DDHD1: variants seen among roughly 807,000 people sequenced by gnomAD.
The protein encoded by DDHD1 is DDHD domain containing 1, also known as phospholipase DDHD1.
DDHD1 carries 49 observed loss-of-function variants against 96.4 expected under a neutral mutation model. That is an observed-to-expected ratio of 0.51 (90% confidence interval 0.40 to 0.64). The LOEUF (loss-of-function observed/expected upper bound fraction) is 0.64. Ranked by LOEUF, DDHD1 falls within the 30% of genes least tolerant of loss-of-function variation. DDHD1 has a pLI of 0.00. For missense variants in DDHD1, 1,106 were observed against 1,161.2 expected (o/e 0.95, Z 0.69); for synonymous variants, 442 against 446.5 (o/e 0.99, Z 0.13).
In DDHD1 at chr14:53,152,775, G is replaced by GCCGCCGCCC. The variant is rs761487785; in HGVS notation, c.323_324insGGGCGGCGG (p.Ser108delinsArgGlyGlyGly). 15 of 1,604,136 alleles carry GCCGCCGCCC rather than the reference G, an allele frequency of 9.4e-6. No individual in the cohort carries two copies. In the African/African-American group the frequency reaches 2.0e-4, roughly 22 times the overall value. The stretch of plus-strand genomic sequence containing the variant: ...GCGACAAGGAGCTGCCGCCGCCGCC[G>GCCGCCGCCC]CTCTCACCCTCGCTGTAGTAGCGCA... On this transcript the variant is annotated protein_altering_variant, in exon 1 of 13. Coordinates refer to ENST00000673822, the MANE Select transcript of DDHD1 (RefSeq NM_001160148.2).
At chr14:53,081,453 CAA>C (rs1885463008) in intron 4 of DDHD1, among the ~76,000 whole-genome samples, 1 of 152,176 alleles carries the variant, frequency 6.6e-6, no homozygotes, top group South Asian at 2.1e-4. Context: ...AATTTGCACA[CAA>C]AAGAGTTCAT....
At position 53,097,787 on chromosome 14, in the gene DDHD1, G is replaced by A. The variant is rs138377289; in HGVS notation, c.1013-4343C>T. Among the ~76,000 whole-genome samples the A allele has an allele frequency of 5.4e-3, 823 of 151,986 alleles. 8 individuals are homozygous for A. The highest frequency in any genetic ancestry group is 0.019 in the African/African-American group (777 of 41,516). ...GGAAAGCTAGCCAAGATACACAAAT[G>A]AAGGCTTTCTTTTCTAAAAGAATAG... On this transcript the variant is annotated intron_variant, in intron 2 of 12. Transcript: ENST00000673822.
Position 53,118,999 on chromosome 14 carries a change from G to A in DDHD1, c.839-15143C>T, listed in dbSNP as rs939814585. ...ACTCTACAAGCCAGAAGAGAGTGGG[G>A]GCCAATATTCAACATTCTTAAAGAA... On this transcript the variant is annotated intron_variant, in intron 1 of 12. Transcript: ENST00000673822. 7.2e-5 allele frequency among the ~76,000 whole-genome samples: 11 copies of A among 152,210 alleles called. No individual in the cohort carries two copies. In the South Asian group the frequency reaches 8.3e-4, roughly 11 times the overall value.
chr14:53,087,117 A>C (rs1245406369), intron 4 of DDHD1, among the ~76,000 whole-genome samples: 1 of 152,196 alleles, frequency 6.6e-6, no homozygotes, highest in African/African-American at 2.4e-5. Flanking sequence ...TAACTATCCT[A>C]AATATATATG....
intron 1 of DDHD1, among the ~76,000 whole-genome samples, chr14:53,144,571 C>T (rs1030698805): frequency 6.6e-6 from 1 of 152,176 alleles, no homozygotes; most frequent in Non-Finnish European, 1.5e-5. Flanking sequence ...AAAAAATAAA[C>T]AAACTTGGGT....
rs1881377431 is a variant in DDHD1 at position 53,037,887 on chromosome 14, CTTGAG to C, written c.*8876_*8880del. ...TCTTACATTTAAATCTTTAATCCAT[CTTGAG>C]TTAATTTTCATATACGGTGAAAGGT... On this transcript the variant is annotated 3_prime_UTR_variant, in exon 13 of 13. Coordinates refer to ENST00000673822, the MANE Select transcript of DDHD1 (RefSeq NM_001160148.2). 1 of 152,086 alleles carries C rather than the reference CTTGAG, an allele frequency of 6.6e-6. No homozygotes were observed. The highest frequency in any genetic ancestry group is 6.6e-5 in the Admixed American group (1 of 15,254). The allele number at this position is 152,086 out of a possible 1,614,324, so 9.4% of individuals were successfully genotyped here.
intron 4 of DDHD1, among the ~76,000 whole-genome samples, chr14:53,078,596 T>C (rs923146065): frequency 6.6e-6 from 1 of 152,208 alleles, no homozygotes; most frequent in Non-Finnish European, 1.5e-5. Context: ...TTTTCTTCAC[T>C]GTCCTTTGAA....
At chr14:53,135,913 C>G (rs967974129) in intron 1 of DDHD1, among the ~76,000 whole-genome samples, 8 of 152,194 alleles carry the variant, frequency 5.3e-5, no homozygotes, top group African/African-American at 1.9e-4. Flanking sequence ...GGCCTCTGAG[C>G]CCAAGCTAAG....
intron 6 of DDHD1, 67 bp downstream of exon 6, chr14:53,072,530 A>G: frequency 1.2e-6 from 1 of 862,310 alleles, no homozygotes; most frequent in African/African-American, 1.7e-5. Context: ...CATAAAATGT[A>G]AAAATTCAGG....
At chr14:53,123,816 G>A (rs973652290) in intron 1 of DDHD1, among the ~76,000 whole-genome samples, 6 of 152,280 alleles carry the variant, frequency 3.9e-5, no homozygotes, top group Admixed American at 2.6e-4. Context: ...TATCTGTAAA[G>A]TTTAATTTCT....
chr14:53,101,655 C>T lies in DDHD1; in HGVS notation c.1012+2028G>A, dbSNP rs565129873. 6.6e-5 allele frequency among the ~76,000 whole-genome samples: 10 copies of T among 152,132 alleles called. No homozygotes were observed. The East Asian group carries it at 1.9e-3, about 29-fold the overall frequency. ...CTACCCTAGAACTGATATATACACT[C>T]ACACATACACATACGCAAAGACATT... On this transcript the variant is annotated intron_variant, in intron 2 of 12. Transcript: ENST00000673822.
intron 11 of DDHD1, 97 bp from the exon 12 acceptor site, chr14:53,052,024 A>C (rs1347432646): frequency 1.2e-6 from 1 of 822,280 alleles, no homozygotes. Flanking sequence ...AATACTCCCA[A>C]ATAAACTGAC....
At chr14:53,063,230 C>A in intron 6 of DDHD1, 25 bp from the exon 7 acceptor site, 1 of 1,604,904 alleles carries the variant, frequency 6.2e-7, no homozygotes, top group South Asian at 1.1e-5. Flanking sequence ...AAAACATTAT[C>A]ATATTAGACT....
At chr14:53,063,496 A>C (rs999988308) in intron 6 of DDHD1, among the ~76,000 whole-genome samples, 13 of 151,998 alleles carry the variant, frequency 8.6e-5, no homozygotes, top group Admixed American at 6.6e-4. Context: ...AAAAAAAAAA[A>C]ACCAAAGTTC....
Position 53,046,796 on chromosome 14 carries a change from T to C in DDHD1, c.2675A>G (p.Asp892Gly). Residue 892 changes from aspartate (D) to glycine (G), a missense_variant, in exon 13 of 13, where the codon GAT becomes GGT. Around this residue, in one of 2 missense-constraint regions of DDHD1, gnomAD observed 650 missense variants for 758.8 expected, o/e 0.86. Transcript: ENST00000673822. The part of the protein sequence containing the change: ...TFMYKHEHDD[D>G]AKPNLDPI ...GATTGGATCTAAATTGGGTTTTGCA[T>C]CATCATCGTGCTCATGTTTATACAT... The C allele has an allele frequency of 6.2e-7, 1 of 1,608,172 alleles. No individual in the cohort carries two copies. The highest frequency in any genetic ancestry group is 8.5e-7 in the Non-Finnish European group (1 of 1,177,548).
chr14:53,113,632 G>A (rs73294070), intron 1 of DDHD1, among the ~76,000 whole-genome samples: 4,702 of 152,158 alleles, frequency 0.031, 242 homozygotes, highest in African/African-American at 0.1. Flanking sequence ...CCTGGGAAGC[G>A]CAAGGAGCCA....
At chr14:53,124,507 C>T (rs1889285432) in intron 1 of DDHD1, among the ~76,000 whole-genome samples, 1 of 152,066 alleles carries the variant, frequency 6.6e-6, no homozygotes, top group African/African-American at 2.4e-5. Flanking sequence ...ATAAAAAATA[C>T]CTATACCTCA....
intron 1 of DDHD1, among the ~76,000 whole-genome samples, chr14:53,122,107 G>A (rs1037308535): frequency 6.6e-6 from 1 of 152,152 alleles, no homozygotes; most frequent in African/African-American, 2.4e-5. Flanking sequence ...GAAGAAGAAG[G>A]TGTTTCTCCT....
chr14:53,122,910 G>A (rs1889113871), intron 1 of DDHD1, among the ~76,000 whole-genome samples: 1 of 151,514 alleles, frequency 6.6e-6, no homozygotes, highest in Admixed American at 6.6e-5. Context: ...ATTAAGAGTG[G>A]TTTCTGTCTC....
Sources: allele counts gnomAD v4.1 joint callset (sites outside exome capture counted in the v4.1 genomes callset), GRCh38; gene constraint gnomAD v4.1.1; regional missense constraint gnomAD v4.1.1; transcripts MANE v1.5; gene names NCBI Gene and HGNC (gene_info 2026-07-23, HGNC 2026-07-21).